SHROOM3: variants seen among roughly 807,000 people sequenced by gnomAD.
The protein encoded by SHROOM3 is shroom family member 3.
Under a neutral mutation model 138.6 loss-of-function variants are expected in SHROOM3, and 47 were observed. The observed-to-expected ratio is 0.34, with a 90% CI of 0.27 to 0.43. The LOEUF (loss-of-function observed/expected upper bound fraction) is 0.43. Ranked by LOEUF, SHROOM3 falls within the 20% of genes least tolerant of loss-of-function variation. The pLI is 1.00. For synonymous variants in SHROOM3, 1,062 were observed against 1,063.3 expected (o/e 1.00, Z 0.02); for missense variants, 2,491 against 2,596.5 (o/e 0.96, Z 0.88).
intron 3 of SHROOM3, among the ~76,000 whole-genome samples, chr4:76,723,504 A>T (rs758930465): frequency 2.0e-5 from 3 of 152,300 alleles, no homozygotes; most frequent in African/African-American, 7.2e-5. Flanking sequence ...GGGACTTTCC[A>T]TCACACTCTC....
intron 1 of SHROOM3, among the ~76,000 whole-genome samples, chr4:76,495,824 AT>A (rs1287471986): frequency 3.3e-5 from 5 of 152,190 alleles, no homozygotes; most frequent in Admixed American, 6.5e-5. Context: ...ACCAGTCTGT[AT>A]TGTGGTATCA....
chr4:76,676,583 G>A (rs1719032739), intron 2 of SHROOM3, among the ~76,000 whole-genome samples: 2 of 152,090 alleles, frequency 1.3e-5, no homozygotes, highest in Admixed American at 1.3e-4. Context: ...GCAGGTCCTG[G>A]GAGGTTGGCT....
At chr4:76,530,520 A>C (rs1732808215) in intron 1 of SHROOM3, among the ~76,000 whole-genome samples, 1 of 152,166 alleles carries the variant, frequency 6.6e-6, no homozygotes, top group African/African-American at 2.4e-5. Context: ...GAGTTCCCTT[A>C]GAATTAAAAC....
chr4:76,536,907 G>GT (rs1732964315), intron 1 of SHROOM3, among the ~76,000 whole-genome samples: 1 of 152,192 alleles, frequency 6.6e-6, no homozygotes, highest in South Asian at 2.1e-4. Flanking sequence ...GAGGTCAGGA[G>GT]TTTGAGACCA....
intron 2 of SHROOM3, among the ~76,000 whole-genome samples, chr4:76,656,539 G>T (rs888805438): frequency 1.3e-5 from 2 of 152,062 alleles, no homozygotes; most frequent in East Asian, 1.9e-4. Context: ...TCACTGAGTT[G>T]CATGGCACCT....
chr4:76,674,554 CTTTT>C (rs11312421), intron 2 of SHROOM3, among the ~76,000 whole-genome samples: 11 of 103,260 alleles, frequency 1.1e-4, no homozygotes, highest in Middle Eastern at 5.6e-3. Flanking sequence ...TCCTTCCTTC[CTTTT>C]TTTTTTTTTT....
chr4:76,748,890 A>C (rs1578016419), intron 5 of SHROOM3, 127 bp from the exon 6 acceptor site: 133 of 631,004 alleles, frequency 2.1e-4, no homozygotes, highest in East Asian at 4.9e-4. Context: ...TAAGAGTGCC[A>C]CCACGTGGCC....
intron 1 of SHROOM3, among the ~76,000 whole-genome samples, chr4:76,511,194 T>A (rs5007143): frequency 0.12 from 17,747 of 143,690 alleles, 1,287 homozygotes; most frequent in East Asian, 0.22. Context: ...AAAATAATAA[T>A]AATAATAATA....
intron 1 of SHROOM3, among the ~76,000 whole-genome samples, chr4:76,506,190 C>T (rs950309828): frequency 2.5e-4 from 36 of 145,632 alleles, no homozygotes; most frequent in African/African-American, 7.2e-4. Flanking sequence ...CACATGGACA[C>T]GGGTTGGGGG....
intron 1 of SHROOM3, among the ~76,000 whole-genome samples, chr4:76,466,951 G>A (rs910587252): frequency 6.6e-6 from 1 of 152,020 alleles, no homozygotes; most frequent in Non-Finnish European, 1.5e-5. Flanking sequence ...GTAAGTGAAG[G>A]AAACTAATAT....
intron 3 of SHROOM3, among the ~76,000 whole-genome samples, chr4:76,719,153 T>C (rs1180012730): frequency 6.6e-6 from 1 of 152,166 alleles, no homozygotes; most frequent in Non-Finnish European, 1.5e-5. Flanking sequence ...ACACACAACA[T>C]TTCTAGCCCT....
chr4:76,474,883 C>T (rs186528280), intron 1 of SHROOM3, among the ~76,000 whole-genome samples: 202 of 151,694 alleles, frequency 1.3e-3, no homozygotes, highest in Middle Eastern at 6.8e-3. Flanking sequence ...GCTGAGATCG[C>T]GCCACTGCAC....
intron 2 of SHROOM3, among the ~76,000 whole-genome samples, chr4:76,662,814 C>T (rs1273648063): frequency 1.3e-5 from 2 of 151,874 alleles, no homozygotes; most frequent in Non-Finnish European, 2.9e-5. Flanking sequence ...CCTAGGAGTT[C>T]GAGGCTGCAG....
intron 1 of SHROOM3, among the ~76,000 whole-genome samples, chr4:76,546,290 C>T (rs1010239456): frequency 7.2e-5 from 11 of 152,222 alleles, no homozygotes; most frequent in Middle Eastern, 6.8e-3. Context: ...ACCCCATTTA[C>T]GACCCCAAAT....
chr4:76,511,797 C>T (rs17002033), intron 1 of SHROOM3, among the ~76,000 whole-genome samples: 19,110 of 152,046 alleles, frequency 0.13, 1,435 homozygotes, highest in South Asian at 0.2. Context: ...TTCTGTGTTC[C>T]TTGGTTGGAG....
intron 1 of SHROOM3, among the ~76,000 whole-genome samples, chr4:76,470,073 T>A (rs760745389): frequency 5.9e-5 from 9 of 152,216 alleles, no homozygotes; most frequent in Admixed American, 2.6e-4. Flanking sequence ...CCAAGCTTAA[T>A]GCTTTATATG....
intron 2 of SHROOM3, among the ~76,000 whole-genome samples, chr4:76,614,508 A>G (rs969886746): frequency 6.6e-6 from 1 of 152,084 alleles, no homozygotes; most frequent in Non-Finnish European, 1.5e-5. Flanking sequence ...ATTTTGGGAT[A>G]CATGTGCAGA....
chr4:76,559,330 C>T (rs1733552161), intron 2 of SHROOM3: 1 of 152,144 alleles, frequency 6.6e-6, no homozygotes, highest in Non-Finnish European at 1.5e-5. Flanking sequence ...ATTAATCTGG[C>T]TTTGTATTTC....
chr4:76,451,194 C>A (rs545936560), intron 1 of SHROOM3, among the ~76,000 whole-genome samples: 150 of 152,304 alleles, frequency 9.8e-4, no homozygotes, highest in African/African-American at 3.3e-3. Flanking sequence ...AGATGATCCA[C>A]CTGCCTCAGC....
Sources: allele counts gnomAD v4.1 joint callset (sites outside exome capture counted in the v4.1 genomes callset), GRCh38; gene constraint gnomAD v4.1.1; transcripts MANE v1.5; gene names NCBI Gene and HGNC (gene_info 2026-07-23, HGNC 2026-07-21).